Variants in NELL1 observed in about 807,000 individuals in gnomAD.
The protein encoded by NELL1 is neural EGFL like 1, also known as protein kinase C-binding protein NELL1.
A neutral mutation model predicts 107.4 loss-of-function variants in NELL1; 76 were observed. The ratio of observed to expected loss-of-function variants is 0.71; its 90% CI spans 0.59 to 0.86. The LOEUF is 0.86. Ranked by LOEUF, NELL1 falls within the 40% of genes least tolerant of loss-of-function variation. The pLI is 0.00. For missense variants in NELL1, 1,024 were observed against 1,005.5 expected (o/e 1.02, Z -0.25); for synonymous variants, 353 against 341.2 (o/e 1.03, Z -0.38).
chr11:20,960,319 C>T (rs796592970), intron 11 of NELL1, 113 bp from the exon 12 acceptor site: 2 of 1,119,520 alleles, frequency 1.8e-6, no homozygotes, highest in East Asian at 5.1e-5. Flanking sequence ...TGCATACTGC[C>T]AAAGTGTATT....
Position 20,783,747 on chromosome 11 carries a change from G to C in NELL1, c.252G>C (p.Lys84Asn). 6.2e-7 allele frequency: 1 copy of C among 1,613,994 alleles called. No homozygotes were observed. Among genetic ancestry groups the C allele is most frequent in the Non-Finnish European group, 8.5e-7 (1 of 1,179,906 alleles). ...SEKLIQLFRN[K>N]SEFTILATVQ... Reference sequence around the variant, plus strand: ...AATTAATTCAGCTGTTCCGGAACAAGAGTGAATTCACCATTTTGGCCACTG... The same window carrying C: ...AATTAATTCAGCTGTTCCGGAACAACAGTGAATTCACCATTTTGGCCACTG... Residue 84 changes from lysine to asparagine, a missense_variant, in exon 3 of 20, where the codon AAG (lysine) becomes AAC (asparagine). By Grantham distance (94) the Lys-to-Asn change is moderately conservative. Transcript: ENST00000357134.
Position 21,511,486 on chromosome 11 carries a change from T to A in NELL1, c.1646-22888T>A, listed in dbSNP as rs78886218. On this transcript the variant is annotated intron_variant, in intron 15 of 19. Coordinates refer to ENST00000357134, the MANE Select transcript of NELL1 (RefSeq NM_006157.5). The stretch of plus-strand genomic sequence containing the variant: ...GATAAGGTCCCTGGCCTCCTGGGTT[T>A]ACAGTGCAGTGAAGGAAGAGAGACA... 0.01 allele frequency among the ~76,000 whole-genome samples: 1,556 copies of A among 152,226 alleles called. 118 individuals are homozygous for A. In the East Asian group the frequency reaches 0.22, roughly 22 times the overall value.
At chr11:20,729,397 G>A (rs1381713242) in intron 2 of NELL1, among the ~76,000 whole-genome samples, 1 of 152,102 alleles carries the variant, frequency 6.6e-6, no homozygotes, top group Non-Finnish European at 1.5e-5. Context: ...TTCTCAAGGG[G>A]AATGCTTCTA....
At chr11:20,908,476 G>C (rs1426113589) in intron 5 of NELL1, among the ~76,000 whole-genome samples, 1 of 152,074 alleles carries the variant, frequency 6.6e-6, no homozygotes, top group Non-Finnish European at 1.5e-5. Context: ...AACACCACAT[G>C]TTCTCACTCA....
chr11:21,409,269 A>G (rs184038741), intron 15 of NELL1, among the ~76,000 whole-genome samples: 1,804 of 152,248 alleles, frequency 0.012, 12 homozygotes, highest in Non-Finnish European at 0.017. Context: ...TGATGAGTTC[A>G]TGTCCTTTGT....
At chr11:20,958,142 G>A (rs553947133) in intron 11 of NELL1, among the ~76,000 whole-genome samples, 1 of 152,122 alleles carries the variant, frequency 6.6e-6, no homozygotes, top group African/African-American at 2.4e-5. Flanking sequence ...ACAAGGCTGG[G>A]TGTGGTGGCT....
chr11:21,207,763 AC>A (rs1459349163), intron 13 of NELL1, among the ~76,000 whole-genome samples: 1 of 152,126 alleles, frequency 6.6e-6, no homozygotes, highest in Non-Finnish European at 1.5e-5. Context: ...ACACACACCA[AC>A]TGGACCACAA....
At chr11:21,043,788 A>G (rs1853294797) in intron 12 of NELL1, among the ~76,000 whole-genome samples, 1 of 152,144 alleles carries the variant, frequency 6.6e-6, no homozygotes, top group Non-Finnish European at 1.5e-5. Flanking sequence ...CTCGTTTCTG[A>G]ATTGAATATA....
intron 15 of NELL1, among the ~76,000 whole-genome samples, chr11:21,417,111 T>C (rs1178249734): frequency 6.6e-6 from 1 of 151,984 alleles, no homozygotes; most frequent in Non-Finnish European, 1.5e-5. Context: ...TGTGTGGACA[T>C]GTATAAAGGA....
At chr11:21,529,037 A>G (rs1168368463) in intron 15 of NELL1, among the ~76,000 whole-genome samples, 6 of 152,132 alleles carry the variant, frequency 3.9e-5, no homozygotes, top group Non-Finnish European at 8.8e-5. Context: ...GCTGGCTAGC[A>G]ATAAAAAGCA....
chr11:20,868,961 T>C (rs776311352), intron 4 of NELL1, among the ~76,000 whole-genome samples: 8 of 152,146 alleles, frequency 5.3e-5, no homozygotes, highest in Non-Finnish European at 1.0e-4. Context: ...CAGTTCCCTG[T>C]TTGACAGCTG....
At chr11:21,364,108 G>A (rs1851153174) in intron 14 of NELL1, among the ~76,000 whole-genome samples, 1 of 152,060 alleles carries the variant, frequency 6.6e-6, no homozygotes, top group African/African-American at 2.4e-5. Flanking sequence ...GAAGATTTCA[G>A]GAGTAATGTA....
intron 12 of NELL1, among the ~76,000 whole-genome samples, chr11:21,112,671 T>C (rs74618554): frequency 0.016 from 2,369 of 152,120 alleles, 67 homozygotes; most frequent in African/African-American, 0.052. Context: ...ATATAAAACA[T>C]TGGGTTCAGA....
chr11:21,393,226 C>A (rs1052402902), intron 15 of NELL1, among the ~76,000 whole-genome samples: 1 of 151,514 alleles, frequency 6.6e-6, no homozygotes, highest in Non-Finnish European at 1.5e-5. Flanking sequence ...CATTAATGAT[C>A]TGGAAAGAGA....
chr11:21,028,301 C>A (rs1852868796), intron 12 of NELL1, among the ~76,000 whole-genome samples: 1 of 152,038 alleles, frequency 6.6e-6, no homozygotes, highest in Non-Finnish European at 1.5e-5. Context: ...GGATTGAGAA[C>A]CTCTGCTTTA....
chr11:21,022,366 G>A (rs75420866), intron 12 of NELL1, among the ~76,000 whole-genome samples: 1,602 of 152,096 alleles, frequency 0.011, 29 homozygotes, highest in African/African-American at 0.037. Context: ...AATTGTATAG[G>A]TACTCTAGTT....
At chr11:20,861,640 T>A (rs1848981185) in intron 4 of NELL1, among the ~76,000 whole-genome samples, 1 of 152,170 alleles carries the variant, frequency 6.6e-6, no homozygotes, top group Non-Finnish European at 1.5e-5. Flanking sequence ...GAACTGGGTT[T>A]GTGATGAGGG....
At chr11:21,414,885 A>G (rs1852471165) in intron 15 of NELL1, among the ~76,000 whole-genome samples, 1 of 152,080 alleles carries the variant, frequency 6.6e-6, no homozygotes, top group Admixed American at 6.6e-5. Context: ...ATAGGCAACT[A>G]CATTTACTAG....
At chr11:20,698,097 T>G (rs1854671972) in intron 2 of NELL1, among the ~76,000 whole-genome samples, 1 of 152,204 alleles carries the variant, frequency 6.6e-6, no homozygotes, top group South Asian at 2.1e-4. Flanking sequence ...TGGAGTGATT[T>G]AGTATAACTT....
Sources: allele counts gnomAD v4.1 joint callset (sites outside exome capture counted in the v4.1 genomes callset), GRCh38; gene constraint gnomAD v4.1.1; transcripts MANE v1.5; gene names NCBI Gene and HGNC (gene_info 2026-07-23, HGNC 2026-07-21).